The following LRFN2 variants were observed in gnomAD, a reference collection of about 807,000 sequenced individuals.
LRFN2 encodes leucine rich repeat and fibronectin type III domain containing 2, also known as leucine-rich repeat and fibronectin type-III domain-containing protein 2.
A neutral mutation model predicts 37.3 loss-of-function variants in LRFN2; 18 were observed. That is an observed-to-expected ratio of 0.48 (90% CI 0.33 to 0.72). LRFN2 has a LOEUF of 0.72. LRFN2 is among the 30% of genes least tolerant of loss of function. The pLI, the probability that LRFN2 is intolerant of heterozygous loss-of-function variation, is 0.02. For missense variants in LRFN2, 1,006 were observed against 1,060.7 expected (o/e 0.95, Z 0.72); for synonymous variants, 556 against 466.6 (o/e 1.19, Z -2.47).
chr6:40,453,740 G>A (rs548692945), intron 1 of LRFN2, among the ~76,000 whole-genome samples: 2 of 152,288 alleles, frequency 1.3e-5, no homozygotes, highest in African/African-American at 2.4e-5. Flanking sequence ...CACTCACAGG[G>A]TTTTTAATTT....
intron 1 of LRFN2, among the ~76,000 whole-genome samples, chr6:40,446,100 C>A (rs748129230): frequency 6.6e-6 from 1 of 152,156 alleles, no homozygotes; most frequent in Non-Finnish European, 1.5e-5. Flanking sequence ...AACTCAGCAC[C>A]TCCTGGGGAC....
chr6:40,500,529 G>C (rs182838392), intron 1 of LRFN2, among the ~76,000 whole-genome samples: 2 of 152,346 alleles, frequency 1.3e-5, no homozygotes, highest in African/African-American at 4.8e-5. Context: ...TTCTGGAGAG[G>C]AGTGAAAGAA....
intron 1 of LRFN2, among the ~76,000 whole-genome samples, chr6:40,561,733 C>A (rs1034879847): frequency 6.6e-6 from 1 of 152,126 alleles, no homozygotes; most frequent in Non-Finnish European, 1.5e-5. Context: ...AAAACAGGAG[C>A]CCCGCTTAAT....
chr6:40,456,995 TA>T (rs1764248903), intron 1 of LRFN2, among the ~76,000 whole-genome samples: 2 of 152,102 alleles, frequency 1.3e-5, no homozygotes, highest in Admixed American at 6.6e-5. Context: ...CAGTGAAGGA[TA>T]GGGGTGGTCA....
At chr6:40,565,179 G>A (rs1241548839) in intron 1 of LRFN2, among the ~76,000 whole-genome samples, 1 of 152,112 alleles carries the variant, frequency 6.6e-6, no homozygotes, top group African/African-American at 2.4e-5. Context: ...ACTTACAAGG[G>A]ATGTGAAGGA....
chr6:40,409,363 C>T (rs1030836875), intron 2 of LRFN2, among the ~76,000 whole-genome samples: 1 of 152,172 alleles, frequency 6.6e-6, no homozygotes, highest in African/African-American at 2.4e-5. Context: ...TGAGCCTCGC[C>T]TTCACAGTTT....
At chr6:40,480,319 C>T (rs147685361) in intron 1 of LRFN2, among the ~76,000 whole-genome samples, 1 of 152,036 alleles carries the variant, frequency 6.6e-6, no homozygotes, top group Non-Finnish European at 1.5e-5. Context: ...GCTCTTTCAC[C>T]CAGACTGCAG....
At chr6:40,449,476 T>C (rs1247770313) in intron 1 of LRFN2, among the ~76,000 whole-genome samples, 1 of 152,242 alleles carries the variant, frequency 6.6e-6, no homozygotes, top group Non-Finnish European at 1.5e-5. Context: ...GACCCACAAG[T>C]ATCCTTAGAG....
chr6:40,507,830 A>G (rs1001788013), intron 1 of LRFN2, among the ~76,000 whole-genome samples: 1 of 152,236 alleles, frequency 6.6e-6, no homozygotes, highest in South Asian at 2.1e-4. Context: ...TCTGAATCTG[A>G]TTAAACCTCA....
At chr6:40,538,773 T>C (rs1372639429) in intron 1 of LRFN2, among the ~76,000 whole-genome samples, 1 of 152,036 alleles carries the variant, frequency 6.6e-6, no homozygotes, top group Non-Finnish European at 1.5e-5. Flanking sequence ...CCGTTGTGTG[T>C]CAGGTCCAGG....
chr6:40,554,308 T>C (rs779401299), intron 1 of LRFN2, among the ~76,000 whole-genome samples: 41 of 152,156 alleles, frequency 2.7e-4, no homozygotes, highest in Admixed American at 6.6e-4. Context: ...ACTAACCTCA[T>C]GCCCTCCTTA....
intron 1 of LRFN2, among the ~76,000 whole-genome samples, chr6:40,486,774 G>C (rs546874271): frequency 6.6e-6 from 1 of 152,206 alleles, no homozygotes; most frequent in Non-Finnish European, 1.5e-5. Flanking sequence ...GGGTGTGTAC[G>C]AGTGGGCAGA....
intron 1 of LRFN2, among the ~76,000 whole-genome samples, chr6:40,530,090 C>T (rs780335530): frequency 2.0e-5 from 3 of 152,148 alleles, no homozygotes; most frequent in Non-Finnish European, 4.4e-5. Context: ...AGAGAGTCGT[C>T]GCAGAAGGAA....
At chr6:40,396,576 G>T (rs1371804876) in intron 2 of LRFN2, among the ~76,000 whole-genome samples, 1 of 152,180 alleles carries the variant, frequency 6.6e-6, no homozygotes, top group African/African-American at 2.4e-5. Context: ...TGAAAGGTCA[G>T]GTCTGGAACA....
intron 1 of LRFN2, among the ~76,000 whole-genome samples, chr6:40,584,683 T>C (rs1475590645): frequency 6.6e-6 from 1 of 152,196 alleles, no homozygotes; most frequent in Admixed American, 6.5e-5. Context: ...CCACTGTCCC[T>C]GGGTAGACAG....
chr6:40,528,282 G>A (rs1413789331), intron 1 of LRFN2, among the ~76,000 whole-genome samples: 1 of 152,224 alleles, frequency 6.6e-6, no homozygotes, highest in Non-Finnish European at 1.5e-5. Flanking sequence ...GCTGGGTGAG[G>A]GCAACCAGAC....
chr6:40,457,497 A>G (rs891033413), intron 1 of LRFN2, among the ~76,000 whole-genome samples: 1 of 151,956 alleles, frequency 6.6e-6, no homozygotes, highest in Non-Finnish European at 1.5e-5. Context: ...CTCAGGCCAG[A>G]GTCAGTGGCT....
chr6:40,538,733 C>T (rs205510), intron 1 of LRFN2, among the ~76,000 whole-genome samples: 2 of 152,234 alleles, frequency 1.3e-5, no homozygotes, highest in Non-Finnish European at 2.9e-5. Flanking sequence ...AGCGCAGCCC[C>T]TCTCCACCTG....
chr6:40,460,005 C>T (rs1764312322), intron 1 of LRFN2, among the ~76,000 whole-genome samples: 1 of 152,212 alleles, frequency 6.6e-6, no homozygotes, highest in Non-Finnish European at 1.5e-5. Context: ...CTGTACAACG[C>T]TGCCCTCATT....
Sources: allele counts gnomAD v4.1 joint callset (sites outside exome capture counted in the v4.1 genomes callset), GRCh38; gene constraint gnomAD v4.1.1; transcripts MANE v1.5; gene names NCBI Gene and HGNC (gene_info 2026-07-23, HGNC 2026-07-21).